MAP3K19: variants seen among roughly 807,000 people sequenced by gnomAD.
MAP3K19 encodes mitogen-activated protein kinase kinase kinase 19, also known as SPS1/STE20-related protein kinase YSK4.
Under a neutral mutation model 114.4 loss-of-function variants are expected in MAP3K19, and 91 were observed. The observed-to-expected ratio is 0.80, with a 90% CI of 0.67 to 0.95. The LOEUF (loss-of-function observed/expected upper bound fraction) is 0.95. Among genes scored for constraint, MAP3K19 ranks in the 40% least tolerant of loss-of-function variants. MAP3K19 has a pLI of 0.00. For missense variants in MAP3K19, 1,471 were observed against 1,573.2 expected, an observed-to-expected ratio of 0.94 and a Z score of 1.10; for synonymous variants, 518 against 530.5, an observed-to-expected ratio of 0.98 and a Z score of 0.32.
rs1382016989 is a variant in MAP3K19, at chr2:135,000,020, A to T, written c.236-5T>A. The T allele has an allele frequency of 6.3e-7, 1 of 1,585,112 alleles. No individual in the cohort carries two copies. Among genetic ancestry groups the T allele is most frequent in the Admixed American group, 1.7e-5 (1 of 59,976 alleles). ...AAGTTACAGTGATCTCAACACCTGT[A>T]GAAACATACCACAGTAGTAGAAGGA... On this transcript the variant is annotated splice_region_variant and splice_polypyrimidine_tract_variant and intron_variant, in intron 6 of 12. Coordinates refer to ENST00000392915, the MANE Select transcript of MAP3K19 (RefSeq NM_025052.5).
Position 134,987,935 on chromosome 2 carries a change from T to C in MAP3K19, c.937A>G (p.Ile313Val). The C allele has an allele frequency of 6.2e-7, 1 of 1,614,230 alleles. No homozygotes were observed. The highest frequency in any genetic ancestry group is 1.3e-5 in the African/African-American group (1 of 75,076). Residue 313 changes from isoleucine (I) to valine (V), a missense_variant, in exon 10 of 13, where the codon ATA becomes GTA. Coordinates refer to ENST00000392915, the MANE Select transcript of MAP3K19 (RefSeq NM_025052.5). ...EKEENWKSKEIEECNKIEITH... is the reference protein window; with the variant it reads ...EKEENWKSKEVEECNKIEITH... ...ATTTCAATTTTGTTACATTCTTCTA[T>C]TTCCTTGGATTTCCAGTTTTCCTCC...
chr2:134,965,140 G>A (rs1243718891), intron 12 of MAP3K19, among the ~76,000 whole-genome samples: 1 of 152,180 alleles, frequency 6.6e-6, no homozygotes, highest in Non-Finnish European at 1.5e-5. Flanking sequence ...AACTCATTGG[G>A]AGAATTAAAT....
At position 134,981,360 on chromosome 2, in the gene MAP3K19, C is replaced by A. The variant is rs1376709407; in HGVS notation, c.3381G>T (p.Leu1127Phe). 3 of 1,614,182 alleles carry A rather than the reference C, an allele frequency of 1.9e-6. No homozygotes were observed. The highest frequency in any genetic ancestry group is 1.7e-6 in the Non-Finnish European group (2 of 1,180,024). ...ALKHVNIVAY[L>F]GTCLQENTVS... The stretch of plus-strand genomic sequence containing the variant: ...CAGTGTTCTCTTGCAAGCATGTCCC[C>A]AAATAGGCCACAATGTTGACATGTT... Residue 1127 changes from leucine to phenylalanine, a missense_variant, in exon 12 of 13, where the codon TTG becomes TTT. Leu to Phe is a conservative substitution (Grantham distance 22, BLOSUM62 0). Coordinates refer to ENST00000392915, the MANE Select transcript of MAP3K19 (RefSeq NM_025052.5).
intron 5 of MAP3K19, among the ~76,000 whole-genome samples, chr2:135,014,814 T>G (rs887893614): frequency 1.3e-5 from 2 of 152,236 alleles, no homozygotes; most frequent in Admixed American, 6.5e-5. Context: ...ATGTCTGGTT[T>G]CTTTTGCTCA....
chr2:135,010,613 G>A (rs575429131), intron 5 of MAP3K19, among the ~76,000 whole-genome samples: 6 of 152,244 alleles, frequency 3.9e-5, no homozygotes, highest in Non-Finnish European at 7.4e-5. Context: ...GAAATCAGAC[G>A]TGATTAAAGT....
chr2:135,038,123 A>G (rs1261093314), intron 2 of MAP3K19, among the ~76,000 whole-genome samples: 1 of 152,150 alleles, frequency 6.6e-6, no homozygotes, highest in African/African-American at 2.4e-5. Flanking sequence ...ATGGGCTGGC[A>G]GAAGGCACTT....
At chr2:134,970,955 G>T (rs1405445915) in intron 12 of MAP3K19, among the ~76,000 whole-genome samples, 1 of 152,138 alleles carries the variant, frequency 6.6e-6, no homozygotes, top group African/African-American at 2.4e-5. Context: ...CCAATACTAT[G>T]TTGAATAGGA....
At chr2:134,975,260 A>G (rs1684155658) in intron 12 of MAP3K19, among the ~76,000 whole-genome samples, 1 of 152,142 alleles carries the variant, frequency 6.6e-6, no homozygotes, top group South Asian at 2.1e-4. Context: ...GGCAGCATGC[A>G]TGGCATGGGC....
At chr2:135,003,956 A>T (rs1346596992) in intron 6 of MAP3K19, among the ~76,000 whole-genome samples, 2 of 152,262 alleles carry the variant, frequency 1.3e-5, no homozygotes, top group African/African-American at 4.8e-5. Flanking sequence ...TAGCTAGCTC[A>T]ACTGAAGTCT....
chr2:135,024,793 AAAG>A, intron 3 of MAP3K19, 52 bp from the exon 4 acceptor site: 4 of 656,226 alleles, frequency 6.1e-6, no homozygotes, highest in Non-Finnish European at 1.1e-5. Context: ...TCTGTTGAAA[AAAG>A]AAAACTAATA....
intron 12 of MAP3K19, among the ~76,000 whole-genome samples, chr2:134,976,162 A>C (rs1031345779): frequency 6.6e-6 from 1 of 152,160 alleles, no homozygotes; most frequent in Non-Finnish European, 1.5e-5. Context: ...ATGGAGTTGC[A>C]GGGGCTGTTG....
intron 10 of MAP3K19, among the ~76,000 whole-genome samples, chr2:134,985,078 T>C (rs938884147): frequency 6.6e-6 from 1 of 152,238 alleles, no homozygotes; most frequent in Non-Finnish European, 1.5e-5. Flanking sequence ...TTGGGAGGCT[T>C]GTGTACTTTA....
intron 12 of MAP3K19, among the ~76,000 whole-genome samples, chr2:134,978,219 C>T (rs988751064): frequency 2.7e-5 from 4 of 149,764 alleles, no homozygotes; most frequent in African/African-American, 9.9e-5. Flanking sequence ...CAGAGTCTCA[C>T]TCTGTCCCTT....
chr2:135,043,901 T>A (rs1243678847), intron 1 of MAP3K19, among the ~76,000 whole-genome samples: 2 of 152,250 alleles, frequency 1.3e-5, no homozygotes, highest in Admixed American at 1.3e-4. Flanking sequence ...TTTCTTGCAA[T>A]CCACTTTGTT....
At position 134,965,359 on chromosome 2, in the gene MAP3K19, C is replaced by T. The variant is rs527743756; in HGVS notation, c.3921-443G>A. Among the ~76,000 whole-genome samples, 5 of 152,236 alleles carry T rather than the reference C, an allele frequency of 3.3e-5. No homozygotes were observed. The South Asian group carries it at 1.0e-3, about 32-fold the overall frequency. On this transcript the variant is annotated intron_variant, in intron 12 of 12. Transcript: ENST00000392915. The stretch of plus-strand genomic sequence containing the variant: ...TTGAAAACCTTTTAAAATAGATATT[C>T]AAATATGCTTTGGTGATTAATTGAA...
intron 6 of MAP3K19, among the ~76,000 whole-genome samples, chr2:135,002,161 A>C (rs1397212294): frequency 2.0e-5 from 3 of 152,188 alleles, no homozygotes; most frequent in Non-Finnish European, 4.4e-5. Context: ...TAATGAGGGT[A>C]AATTAACGCT....
intron 6 of MAP3K19, among the ~76,000 whole-genome samples, chr2:135,004,879 C>T (rs1686705599): frequency 6.6e-6 from 1 of 152,070 alleles, no homozygotes; most frequent in African/African-American, 2.4e-5. Context: ...CGTGTGGTTC[C>T]GGAAGGGAAC....
rs1482238657 is a variant in MAP3K19 at position 135,020,345 on chromosome 2, G to A, written c.138+1370C>T. On this transcript the variant is annotated intron_variant, in intron 5 of 12. Transcript: ENST00000392915. ...TTTCTTTTTTAAAAAATTGAGACAG[G>A]GTCTTGCTCTGTCACCCAGGCTAGA... 3.3e-5 allele frequency among the ~76,000 whole-genome samples: 5 copies of A among 152,004 alleles called. No homozygotes were observed. The East Asian group carries it at 9.7e-4, about 29-fold the overall frequency.
intron 5 of MAP3K19, among the ~76,000 whole-genome samples, chr2:135,019,089 G>GA (rs199643594): frequency 3.4e-4 from 49 of 143,858 alleles, no homozygotes; most frequent in East Asian, 2.8e-3. Flanking sequence ...CAAAAAAAAA[G>GA]AAAAAAAAAA....
Sources: allele counts gnomAD v4.1 joint callset (sites outside exome capture counted in the v4.1 genomes callset), GRCh38; gene constraint gnomAD v4.1.1; transcripts MANE v1.5; gene names NCBI Gene and HGNC (gene_info 2026-07-23, HGNC 2026-07-21).